The following EEFSEC variants were observed in gnomAD, a reference collection of about 807,000 sequenced individuals.
EEFSEC encodes the protein eukaryotic elongation factor, selenocysteine-tRNA specific, also known as selenocysteine-specific elongation factor.
EEFSEC carries 43 observed loss-of-function variants against 42.1 expected under a neutral mutation model. That is an observed-to-expected ratio of 1.02 (90% CI 0.80 to 1.32). The LOEUF (loss-of-function observed/expected upper bound fraction) is 1.32, where lower values mean the gene tolerates loss of function less well. Among genes scored for constraint, EEFSEC ranks in the 40% most tolerant of loss-of-function variants. The pLI is 0.00. For missense variants in EEFSEC, 745 were observed against 803.6 expected (o/e 0.93, Z 0.88); for synonymous variants, 354 against 339.1 (o/e 1.04, Z -0.48).
At chr3:128,379,590 C>T (rs2067749643) in intron 6 of EEFSEC, among the ~76,000 whole-genome samples, 1 of 152,210 alleles carries the variant, frequency 6.6e-6, no homozygotes, top group Admixed American at 6.5e-5. Context: ...GGGCATGGTC[C>T]CATGTCACAC....
intron 4 of EEFSEC, among the ~76,000 whole-genome samples, chr3:128,287,821 C>T (rs1201610148): frequency 6.6e-6 from 1 of 152,184 alleles, no homozygotes; most frequent in East Asian, 1.9e-4. Context: ...ATGTATAGTT[C>T]CTACCCTATT....
At chr3:128,226,496 A>C (rs539450691) in intron 1 of EEFSEC, among the ~76,000 whole-genome samples, 13 of 152,288 alleles carry the variant, frequency 8.5e-5, no homozygotes, top group African/African-American at 3.1e-4. Context: ...GTGCATGCTC[A>C]GCATCCTCCG....
intron 1 of EEFSEC, among the ~76,000 whole-genome samples, chr3:128,163,312 C>T (rs575152200): frequency 6.6e-6 from 1 of 152,000 alleles, no homozygotes; most frequent in South Asian, 2.1e-4. Context: ...CTTGGTTGCA[C>T]AGCATGCATC....
At position 128,351,503 on chromosome 3, in the gene EEFSEC, G is replaced by A. The variant is rs144986225; in HGVS notation, c.1444-6714G>A. On this transcript the variant is annotated intron_variant, in intron 5 of 6. Transcript: ENST00000254730. ...CCCAAGCCCTTCCTGTCCTGCGCAC[G>A]TGGTTCTCCTCACCACAGACCTGGA... is the stretch of plus-strand genomic sequence containing the variant. Among the ~76,000 whole-genome samples, 26 of 152,332 alleles carry A rather than the reference G, an allele frequency of 1.7e-4. No homozygotes were observed. In the East Asian group the frequency reaches 4.0e-3, roughly 24 times the overall value.
intron 3 of EEFSEC, among the ~76,000 whole-genome samples, chr3:128,263,056 G>C (rs563191701): frequency 6.6e-6 from 1 of 152,330 alleles, no homozygotes; most frequent in Admixed American, 6.5e-5. Context: ...GGAGTTGTGA[G>C]GGTTAAATGA....
At chr3:128,290,158 A>G (rs2066628084) in intron 4 of EEFSEC, among the ~76,000 whole-genome samples, 1 of 152,102 alleles carries the variant, frequency 6.6e-6, no homozygotes, top group African/African-American at 2.4e-5. Context: ...GCCTTTGCCT[A>G]TCCCAGAATT....
intron 1 of EEFSEC, among the ~76,000 whole-genome samples, chr3:128,179,782 T>G (rs1411784988): frequency 6.6e-6 from 1 of 152,200 alleles, no homozygotes; most frequent in Non-Finnish European, 1.5e-5. Flanking sequence ...ATTATTGAAT[T>G]TGGCCCAAAA....
At chr3:128,306,697 A>G (rs2066830861) in intron 4 of EEFSEC, among the ~76,000 whole-genome samples, 1 of 152,256 alleles carries the variant, frequency 6.6e-6, no homozygotes, top group South Asian at 2.1e-4. Flanking sequence ...TGGATAAGAT[A>G]AGATTTGTGC....
At chr3:128,197,834 A>C (rs1294482768) in intron 1 of EEFSEC, among the ~76,000 whole-genome samples, 2 of 151,924 alleles carry the variant, frequency 1.3e-5, no homozygotes, top group Non-Finnish European at 2.9e-5. Flanking sequence ...GGTAAATCTT[A>C]TTTCTGATGG....
chr3:128,286,212 C>T (rs2066584161), intron 4 of EEFSEC, among the ~76,000 whole-genome samples: 1 of 152,208 alleles, frequency 6.6e-6, no homozygotes, highest in Non-Finnish European at 1.5e-5. Context: ...TCATGAGGGA[C>T]ATTCCCAGAG....
intron 2 of EEFSEC, among the ~76,000 whole-genome samples, chr3:128,248,175 C>T (rs914725327): frequency 6.6e-6 from 1 of 152,184 alleles, no homozygotes; most frequent in Non-Finnish European, 1.5e-5. Flanking sequence ...TAGGCCAGTC[C>T]CTTTTGATCA....
intron 1 of EEFSEC, among the ~76,000 whole-genome samples, chr3:128,235,674 T>C (rs1366413151): frequency 6.6e-6 from 1 of 152,176 alleles, no homozygotes; most frequent in Non-Finnish European, 1.5e-5. Flanking sequence ...TACCGTGGTG[T>C]TTTTAAATAG....
At chr3:128,264,941 G>A (rs1042342314) in intron 4 of EEFSEC, among the ~76,000 whole-genome samples, 160 bp downstream of exon 4, 13 of 152,164 alleles carry the variant, frequency 8.5e-5, no homozygotes, top group Admixed American at 3.3e-4. Context: ...GGCCCCGCCC[G>A]GCTCCAAGTC....
chr3:128,370,368 G>T (rs1341369897), intron 6 of EEFSEC, among the ~76,000 whole-genome samples: 2 of 152,124 alleles, frequency 1.3e-5, no homozygotes, highest in African/African-American at 2.4e-5. Context: ...GAGTGCAGCG[G>T]CCCACACTCA....
intron 6 of EEFSEC, among the ~76,000 whole-genome samples, chr3:128,376,673 A>G (rs1258623311): frequency 6.6e-6 from 1 of 152,140 alleles, no homozygotes; most frequent in Admixed American, 6.5e-5. Flanking sequence ...TACATCATTC[A>G]TCCTCATTAG....
At chr3:128,184,153 T>C (rs900748156) in intron 1 of EEFSEC, among the ~76,000 whole-genome samples, 2 of 152,230 alleles carry the variant, frequency 1.3e-5, no homozygotes, top group African/African-American at 4.8e-5. Context: ...TTTCCTATTT[T>C]CTTCCAAGTT....
intron 1 of EEFSEC, among the ~76,000 whole-genome samples, chr3:128,176,407 C>T (rs2065348521): frequency 6.6e-6 from 1 of 151,874 alleles, no homozygotes. Flanking sequence ...AGGGAAAAGA[C>T]CCAACCAGAA....
chr3:128,214,362 T>C (rs1419939135), intron 1 of EEFSEC, among the ~76,000 whole-genome samples: 1 of 152,244 alleles, frequency 6.6e-6, no homozygotes, highest in Admixed American at 6.5e-5. Flanking sequence ...CCAGGAATGA[T>C]GAACATTTGA....
At chr3:128,157,199 T>C (rs558132862) in intron 1 of EEFSEC, among the ~76,000 whole-genome samples, 4 of 152,326 alleles carry the variant, frequency 2.6e-5, no homozygotes, top group South Asian at 4.1e-4. Flanking sequence ...AACTCTTCAA[T>C]TCTATGAAGG....
Sources: gnomAD v4.1 joint callset for allele counts (sites outside exome capture counted in the v4.1 genomes callset) on GRCh38, gnomAD v4.1.1 for gene constraint, MANE v1.5 for transcripts, NCBI Gene and HGNC (gene_info 2026-07-23, HGNC 2026-07-21) for gene names.